SLC25A12: variants seen among roughly 807,000 people sequenced by gnomAD.
The protein encoded by SLC25A12 is electrogenic aspartate/glutamate antiporter SLC25A12, mitochondrial.
Under a neutral mutation model 83.3 loss-of-function variants are expected in SLC25A12, and 32 were observed. That is an observed-to-expected ratio of 0.38 (90% CI 0.29 to 0.52). The LOEUF (loss-of-function observed/expected upper bound fraction) is 0.52. Ranked by LOEUF, SLC25A12 falls within the 20% of genes least tolerant of loss-of-function variation. SLC25A12 has a pLI of 0.84. For missense variants in SLC25A12, 611 were observed against 835.6 expected (o/e 0.73, Z 3.31); for synonymous variants, 267 against 291.1 (o/e 0.92, Z 0.84).
At chr2:171,884,568 G>A (rs1685772773) in intron 2 of SLC25A12, among the ~76,000 whole-genome samples, 1 of 148,976 alleles carries the variant, frequency 6.7e-6, no homozygotes, top group Admixed American at 6.7e-5. Context: ...TCAGGAGTTC[G>A]AGACCAGCCT....
intron 13 of SLC25A12, among the ~76,000 whole-genome samples, chr2:171,804,939 TA>T (rs1228798652): frequency 1.3e-5 from 2 of 152,220 alleles, no homozygotes; most frequent in African/African-American, 2.4e-5. Flanking sequence ...AAGTGATAGC[TA>T]AAAGGTACTG....
chr2:171,783,937 A>C lies in SLC25A12; in HGVS notation c.*1337T>G, dbSNP rs1446395043. On this transcript the variant is annotated 3_prime_UTR_variant, in exon 18 of 18. Coordinates refer to ENST00000422440, the MANE Select transcript of SLC25A12 (RefSeq NM_003705.5). ...GTCTGTCTCCAGGCTCGCCTCTTGAAAATATTTGCATACATTCTCATATCC... is the reference window on the plus strand; with the variant it reads ...GTCTGTCTCCAGGCTCGCCTCTTGACAATATTTGCATACATTCTCATATCC... Among the ~76,000 whole-genome samples, 2 of 152,184 alleles carry C rather than the reference A, an allele frequency of 1.3e-5. No individual in the cohort carries two copies. Among genetic ancestry groups the C allele is most frequent in the African/African-American group, 4.8e-5 (2 of 41,440 alleles).
intron 13 of SLC25A12, among the ~76,000 whole-genome samples, chr2:171,795,700 T>A (rs3770457): frequency 0.82 from 124,282 of 151,870 alleles, 51,922 homozygotes; most frequent in Middle Eastern, 0.91. Flanking sequence ...AAATAAATAC[T>A]AAGGTCTTTC....
Position 171,844,435 on chromosome 2 carries a change from G to A in SLC25A12, c.399C>T (p.Ile133=), listed in dbSNP as rs546727830. The A allele has an allele frequency of 6.2e-7, 1 of 1,613,582 alleles. No homozygotes were observed. Among genetic ancestry groups the A allele is most frequent in the East Asian group, 2.2e-5 (1 of 44,832 alleles). The change falls in exon 5 of 18, where the codon ATC becomes ATT. Residue 133 remains isoleucine (I), a synonymous_variant. Transcript: ENST00000422440. ...TCCGGTTATGCCCAAAATGCAGTCGGATAAATTCACAATCCCAGTTAAAAG... is the reference window on the plus strand; with the variant it reads ...TCCGGTTATGCCCAAAATGCAGTCGAATAAATTCACAATCCCAGTTAAAAG... ...HIPFNWDCEF[I]RLHFGHNRKK...
chr2:171,839,483 T>C (rs576492068), intron 5 of SLC25A12, among the ~76,000 whole-genome samples: 20 of 152,226 alleles, frequency 1.3e-4, no homozygotes, highest in African/African-American at 4.8e-4. Context: ...CCCTTGAAAA[T>C]GCATTTCATC....
intron 2 of SLC25A12, among the ~76,000 whole-genome samples, chr2:171,892,450 C>T (rs1685963533): frequency 6.6e-6 from 1 of 152,170 alleles, no homozygotes; most frequent in South Asian, 2.1e-4. Flanking sequence ...TGGTCTCGAT[C>T]TCCTGACCTC....
At chr2:171,867,564 T>A (rs1038198230) in intron 3 of SLC25A12, among the ~76,000 whole-genome samples, 1 of 152,108 alleles carries the variant, frequency 6.6e-6, no homozygotes, top group African/African-American at 2.4e-5. Context: ...TGAGCCGAGA[T>A]GGCAGCAGTA....
intron 4 of SLC25A12, among the ~76,000 whole-genome samples, chr2:171,844,727 T>C (rs1046757468): frequency 6.6e-6 from 1 of 152,204 alleles, no homozygotes; most frequent in Non-Finnish European, 1.5e-5. Flanking sequence ...TACCATTGCA[T>C]ATAAGGCCAT....
At chr2:171,793,895 CA>C (rs1464803720) in intron 13 of SLC25A12, 128 bp from the exon 14 acceptor site, 1 of 1,068,384 alleles carries the variant, frequency 9.4e-7, no homozygotes, top group African/African-American at 1.6e-5. Flanking sequence ...CTTCCTTCCT[CA>C]GGGGGGAATG....
intron 5 of SLC25A12, among the ~76,000 whole-genome samples, chr2:171,841,408 G>A (rs114304988): frequency 0.1 from 15,732 of 149,894 alleles, 1,006 homozygotes; most frequent in Admixed American, 0.21. Context: ...GGGCTCACTC[G>A]GTCACCCACG....
chr2:171,850,086 G>A (rs893182862), intron 4 of SLC25A12, among the ~76,000 whole-genome samples: 18 of 151,730 alleles, frequency 1.2e-4, no homozygotes, highest in African/African-American at 1.9e-4. Flanking sequence ...TTATAGGCAA[G>A]AGCCACCATG....
intron 3 of SLC25A12, among the ~76,000 whole-genome samples, chr2:171,857,696 T>G (rs2105907427): frequency 6.6e-6 from 1 of 151,562 alleles, no homozygotes; most frequent in Admixed American, 6.6e-5. Context: ...AAAAAAATTT[T>G]TTTTAAATAA....
chr2:171,883,932 C>T (rs1405209627), intron 2 of SLC25A12, among the ~76,000 whole-genome samples: 2 of 152,006 alleles, frequency 1.3e-5, no homozygotes, highest in African/African-American at 2.4e-5. Context: ...ATGACCCTAG[C>T]TCACTGTAAC....
intron 13 of SLC25A12, among the ~76,000 whole-genome samples, chr2:171,797,116 G>T (rs1450301268): frequency 6.6e-6 from 1 of 152,184 alleles, no homozygotes; most frequent in African/African-American, 2.4e-5. Flanking sequence ...AAGGGGAAAA[G>T]CACTGCTTGC....
At chr2:171,799,465 T>C (rs547827481) in intron 13 of SLC25A12, among the ~76,000 whole-genome samples, 7 of 152,272 alleles carry the variant, frequency 4.6e-5, no homozygotes, top group African/African-American at 1.2e-4. Flanking sequence ...GAGGAAGACA[T>C]AGAATTCTTC....
At chr2:171,805,151 C>T (rs1683798667) in intron 13 of SLC25A12, among the ~76,000 whole-genome samples, 1 of 151,006 alleles carries the variant, frequency 6.6e-6, no homozygotes, top group Non-Finnish European at 1.5e-5. Flanking sequence ...CTCTGTTGCC[C>T]AAGCTGGAGT....
intron 4 of SLC25A12, among the ~76,000 whole-genome samples, chr2:171,852,859 T>C (rs1684961009): frequency 6.6e-6 from 1 of 152,196 alleles, no homozygotes; most frequent in African/African-American, 2.4e-5. Context: ...ATCATTTCTC[T>C]CATTCTACTT....
Position 171,883,094 on chromosome 2 carries a change from A to C in SLC25A12, c.66+10111T>G, listed in dbSNP as rs188965948. 2.7e-3 allele frequency among the ~76,000 whole-genome samples: 407 copies of C among 152,350 alleles called. 2 individuals carry two copies. The highest frequency in any genetic ancestry group is 7.8e-3 in the Admixed American group (119 of 15,304). Reference sequence around the variant, plus strand: ...GTAATTAACTGATTATATGTACATAATCATAAATACATATTAACATCTTAG... The same window carrying C: ...GTAATTAACTGATTATATGTACATACTCATAAATACATATTAACATCTTAG... On this transcript the variant is annotated intron_variant, in intron 2 of 17. Coordinates refer to ENST00000422440, the MANE Select transcript of SLC25A12 (RefSeq NM_003705.5).
chr2:171,829,651 A>G (rs1684388365), intron 8 of SLC25A12, among the ~76,000 whole-genome samples: 1 of 152,152 alleles, frequency 6.6e-6, no homozygotes, highest in Non-Finnish European at 1.5e-5. Flanking sequence ...ACATACAACA[A>G]TGTAAAGAAA....
Sources: allele counts gnomAD v4.1 joint callset (sites outside exome capture counted in the v4.1 genomes callset), GRCh38; gene constraint gnomAD v4.1.1; transcripts MANE v1.5; gene names NCBI Gene and HGNC (gene_info 2026-07-23, HGNC 2026-07-21).